TEAD1: variants seen among roughly 807,000 people sequenced by gnomAD.
TEAD1 encodes the protein TEA domain transcription factor 1, also known as transcriptional enhancer factor TEF-1.
In TEAD1, 9 loss-of-function variants were observed where a neutral mutation model predicts 54.9. The ratio of observed to expected loss-of-function variants is 0.16; its 90% CI spans 0.10 to 0.29. The LOEUF (loss-of-function observed/expected upper bound fraction) is 0.29, where lower values mean the gene tolerates loss of function less well. TEAD1 is among the 10% of genes least tolerant of loss of function. TEAD1 has a pLI of 1.00. For missense variants in TEAD1, 387 were observed against 535.9 expected, an observed-to-expected ratio of 0.72 and a Z score of 2.74; for synonymous variants, 200 against 187.8, an observed-to-expected ratio of 1.07 and a Z score of -0.53.
intron 3 of TEAD1, among the ~76,000 whole-genome samples, chr11:12,774,050 G>A (rs1394729212): frequency 6.6e-6 from 1 of 152,206 alleles, no homozygotes; most frequent in Non-Finnish European, 1.5e-5. Context: ...TTGGTCGTAG[G>A]AGTCTAAGTT....
intron 3 of TEAD1, chr11:12,822,718 G>A (rs1055289892): frequency 6.6e-6 from 1 of 152,254 alleles, no homozygotes; most frequent in African/African-American, 2.4e-5. Context: ...ATAGTGTGCA[G>A]TAGAGCTCTG....
At chr11:12,691,199 A>G (rs77381281) in intron 2 of TEAD1, among the ~76,000 whole-genome samples, 4,044 of 152,278 alleles carry the variant, frequency 0.027, 167 homozygotes, top group African/African-American at 0.09. Context: ...AGTCCATTGC[A>G]GTTCCTCCTC....
intron 10 of TEAD1, chr11:12,904,841 T>C: frequency 2.8e-6 from 1 of 357,908 alleles, no homozygotes; most frequent in Non-Finnish European, 5.4e-6. Context: ...TCGTACATGA[T>C]CACCAAACTG....
At position 12,871,064 on chromosome 11, in the gene TEAD1, A is replaced by G. The variant is rs12574248; in HGVS notation, c.330+6164A>G. On this transcript the variant is annotated intron_variant, in intron 5 of 12. Coordinates refer to ENST00000527636, the MANE Select transcript of TEAD1 (RefSeq NM_021961.6). ...CTCAAGGGGGTAGGTTTTATAGATGACCCACAGCCTGTAGCTGGGCCTGAG... is the reference window on the plus strand; with the variant it reads ...CTCAAGGGGGTAGGTTTTATAGATGGCCCACAGCCTGTAGCTGGGCCTGAG... Among the ~76,000 whole-genome samples the G allele has an allele frequency of 3.2e-4, 48 of 152,228 alleles. No homozygotes were observed. The East Asian group carries it at 7.7e-3, about 24-fold the overall frequency.
chr11:12,767,391 G>A lies in TEAD1; in HGVS notation c.202+2957G>A, dbSNP rs186553910. Among the ~76,000 whole-genome samples the A allele has an allele frequency of 4.2e-3, 638 of 152,244 alleles. 3 individuals carry two copies. Among genetic ancestry groups the A allele is most frequent in the Admixed American group, 6.9e-3 (105 of 15,292 alleles). On this transcript the variant is annotated intron_variant, in intron 3 of 12. Coordinates refer to ENST00000527636, the MANE Select transcript of TEAD1 (RefSeq NM_021961.6). Reference sequence around the variant, plus strand: ...GAATTCCATGCAGTAAAATAAAAACGGTTTAGTCTTTTAGTGAAATACCGA... The same window carrying A: ...GAATTCCATGCAGTAAAATAAAAACAGTTTAGTCTTTTAGTGAAATACCGA...
intron 3 of TEAD1, among the ~76,000 whole-genome samples, chr11:12,832,220 C>G (rs919050592): frequency 1.3e-5 from 2 of 152,122 alleles, no homozygotes; most frequent in African/African-American, 4.8e-5. Context: ...ATTTGGGGGC[C>G]TATGAAGGAT....
At chr11:12,689,731 C>T (rs1943414019) in intron 2 of TEAD1, among the ~76,000 whole-genome samples, 1 of 152,006 alleles carries the variant, frequency 6.6e-6, no homozygotes. Flanking sequence ...CAGTAGAGGG[C>T]AATTGAACCC....
intron 2 of TEAD1, among the ~76,000 whole-genome samples, chr11:12,677,432 C>G (rs148638867): frequency 6.6e-6 from 1 of 152,238 alleles, no homozygotes; most frequent in African/African-American, 2.4e-5. Context: ...TTACTTTATA[C>G]AGCAGGAATT....
intron 2 of TEAD1, among the ~76,000 whole-genome samples, chr11:12,701,849 A>T (rs900836319): frequency 6.6e-6 from 1 of 152,234 alleles, no homozygotes; most frequent in Non-Finnish European, 1.5e-5. Flanking sequence ...GCTGGTCATT[A>T]TGATCTCCTG....
Position 12,770,351 on chromosome 11 carries a change from C to T in TEAD1, c.202+5917C>T, listed in dbSNP as rs144617781. Among the ~76,000 whole-genome samples, 287 of 152,260 alleles carry T rather than the reference C, an allele frequency of 1.9e-3. 2 individuals carry two copies. Among genetic ancestry groups the T allele is most frequent in the African/African-American group, 6.5e-3 (271 of 41,548 alleles). On this transcript the variant is annotated intron_variant, in intron 3 of 12. Transcript: ENST00000527636. ...CATAAGGGAGGTAGAAGGAAAAGAA[C>T]ATGAAAGTATTACCAAGTTATGCTT... is the stretch of plus-strand genomic sequence containing the variant.
In TEAD1 at chr11:12,813,373, C is replaced by T. The variant is rs16911631; in HGVS notation, c.203-48877C>T. On this transcript the variant is annotated intron_variant, in intron 3 of 12. Transcript: ENST00000527636. ...CAAGTGAGCCAAATTAGGGGATCGCCGGGACAGAAAAGCTGCTGAGGTGGG... is the reference window on the plus strand; with the variant it reads ...CAAGTGAGCCAAATTAGGGGATCGCTGGGACAGAAAAGCTGCTGAGGTGGG... Among the ~76,000 whole-genome samples, 2,842 of 152,246 alleles carry T rather than the reference C, an allele frequency of 0.019. 198 individuals are homozygous for T. The East Asian group carries it at 0.24, about 13-fold the overall frequency.
At chr11:12,818,523 G>C (rs1946464728) in intron 3 of TEAD1, among the ~76,000 whole-genome samples, 1 of 152,162 alleles carries the variant, frequency 6.6e-6, no homozygotes, top group Non-Finnish European at 1.5e-5. Context: ...CCGGCATCCG[G>C]CTCCTTGGGA....
chr11:12,922,259 G>C (rs1342228910), intron 10 of TEAD1, among the ~76,000 whole-genome samples: 4 of 48,526 alleles, frequency 8.2e-5, no homozygotes, highest in Admixed American at 3.9e-4. Flanking sequence ...TGCAGTGGCG[G>C]GATCTCGGCT....
At chr11:12,735,454 A>G (rs1349971297) in intron 2 of TEAD1, among the ~76,000 whole-genome samples, 1 of 152,110 alleles carries the variant, frequency 6.6e-6, no homozygotes, top group Non-Finnish European at 1.5e-5. Flanking sequence ...ACAGCTACAA[A>G]GTGGTGGAAT....
At chr11:12,781,273 A>G (rs993209438) in intron 3 of TEAD1, among the ~76,000 whole-genome samples, 6 of 152,236 alleles carry the variant, frequency 3.9e-5, no homozygotes, top group African/African-American at 7.2e-5. Context: ...GGATTAGGCA[A>G]AGCCTTAGAT....
chr11:12,835,275 G>T (rs550180509), intron 3 of TEAD1, among the ~76,000 whole-genome samples: 39 of 152,244 alleles, frequency 2.6e-4, no homozygotes, highest in African/African-American at 8.7e-4. Flanking sequence ...ACCCAATGTA[G>T]GTCTAGAATT....
intron 3 of TEAD1, among the ~76,000 whole-genome samples, chr11:12,854,198 A>G (rs1199322071): frequency 6.6e-6 from 1 of 152,122 alleles, no homozygotes; most frequent in Non-Finnish European, 1.5e-5. Flanking sequence ...ACTGGTTCAG[A>G]GGCTGTTTTT....
intron 9 of TEAD1, among the ~76,000 whole-genome samples, chr11:12,886,894 G>C (rs1471317888): frequency 6.6e-6 from 1 of 152,074 alleles, no homozygotes; most frequent in African/African-American, 2.4e-5. Context: ...TTTCTGGCTT[G>C]TATTATGATA....
chr11:12,771,633 T>C (rs149222738), intron 3 of TEAD1, among the ~76,000 whole-genome samples: 222 of 152,270 alleles, frequency 1.5e-3, no homozygotes, highest in African/African-American at 5.0e-3. Context: ...ATATGCTTGA[T>C]GTACTGGATG....
Sources: allele counts gnomAD v4.1 joint callset (sites outside exome capture counted in the v4.1 genomes callset), GRCh38; gene constraint gnomAD v4.1.1; transcripts MANE v1.5; gene names NCBI Gene and HGNC (gene_info 2026-07-23, HGNC 2026-07-21).